Variants in CDIN1 observed in about 807,000 individuals in gnomAD.
CDIN1 encodes CDAN1-interacting nuclease 1.
CDIN1 carries 33 observed loss-of-function variants against 45.3 expected under a neutral mutation model. The observed-to-expected ratio is 0.73, with a 90% confidence interval of 0.55 to 0.97. The LOEUF is 0.97. Among genes scored for constraint, CDIN1 ranks in the 50% least tolerant of loss-of-function variants. The pLI is 0.00. For missense variants in CDIN1, 303 were observed against 339.4 expected (o/e 0.89, Z 0.84); for synonymous variants, 118 against 124.4 (o/e 0.95, Z 0.34).
chr15:36,773,103 A>T (rs2054121343), intron 10 of CDIN1, among the ~76,000 whole-genome samples: 1 of 152,062 alleles, frequency 6.6e-6, no homozygotes, highest in African/African-American at 2.4e-5. Flanking sequence ...AAAATATCCC[A>T]GGTGTGCCTT....
intron 1 of CDIN1, chr15:36,618,447 C>G: frequency 2.2e-6 from 2 of 891,418 alleles, no homozygotes; most frequent in African/African-American, 3.3e-5. Flanking sequence ...TCGAAGATGA[C>G]GACAAGATGT....
intron 5 of CDIN1, among the ~76,000 whole-genome samples, chr15:36,662,925 A>ATCCAAAG (rs2041078928): frequency 6.6e-6 from 1 of 151,466 alleles, no homozygotes; most frequent in South Asian, 2.1e-4. Context: ...AAAATCCAAA[A>ATCCAAAG]TCCAAAATGC....
intron 4 of CDIN1, among the ~76,000 whole-genome samples, chr15:36,657,491 C>G (rs1457531264): frequency 1.3e-5 from 2 of 151,796 alleles, no homozygotes; most frequent in African/African-American, 2.4e-5. Flanking sequence ...AGAAGCATGG[C>G]TTGAATAAAA....
chr15:36,711,850 A>G (rs1410440817), intron 10 of CDIN1, among the ~76,000 whole-genome samples: 1 of 152,108 alleles, frequency 6.6e-6, no homozygotes, highest in Non-Finnish European at 1.5e-5. Context: ...TTTGAAATGG[A>G]ACTTTGGGGT....
At chr15:36,700,289 G>T (rs909902129) in intron 8 of CDIN1, among the ~76,000 whole-genome samples, 1 of 152,130 alleles carries the variant, frequency 6.6e-6, no homozygotes, top group African/African-American at 2.4e-5. Flanking sequence ...GTCAAGCACC[G>T]TATTGCATGT....
At chr15:36,721,408 C>A (rs2140880293) in intron 10 of CDIN1, among the ~76,000 whole-genome samples, 1 of 152,214 alleles carries the variant, frequency 6.6e-6, no homozygotes, top group Non-Finnish European at 1.5e-5. Flanking sequence ...CACATACTTT[C>A]TACTTTTGAT....
intron 1 of CDIN1, among the ~76,000 whole-genome samples, chr15:36,643,729 C>T (rs2040201761): frequency 1.3e-5 from 2 of 152,148 alleles, no homozygotes; most frequent in African/African-American, 2.4e-5. Flanking sequence ...CCTCTGCTTC[C>T]TGCTGTGAAA....
chr15:36,785,906 C>T (rs988518891), intron 10 of CDIN1, among the ~76,000 whole-genome samples: 4 of 152,114 alleles, frequency 2.6e-5, no homozygotes, highest in Admixed American at 2.6e-4. Flanking sequence ...GGCACAGACC[C>T]CTGTAAGAGA....
At chr15:36,680,678 C>T (rs909592266) in intron 5 of CDIN1, among the ~76,000 whole-genome samples, 12 of 152,110 alleles carry the variant, frequency 7.9e-5, no homozygotes, top group Non-Finnish European at 1.8e-4. Context: ...AATTGAGCTT[C>T]CATGTATAGC....
At chr15:36,583,549 C>G (rs1018622126) in intron 1 of CDIN1, among the ~76,000 whole-genome samples, 3 of 152,192 alleles carry the variant, frequency 2.0e-5, no homozygotes, top group African/African-American at 7.2e-5. Context: ...TTCGTTTCTA[C>G]AGTTTTACCA....
At chr15:36,637,701 T>C (rs1309643907) in intron 1 of CDIN1, among the ~76,000 whole-genome samples, 1 of 152,160 alleles carries the variant, frequency 6.6e-6, no homozygotes, top group African/African-American at 2.4e-5. Flanking sequence ...AACAATAGAA[T>C]AGATAAATTT....
intron 1 of CDIN1, among the ~76,000 whole-genome samples, chr15:36,607,577 C>T (rs1225988342): frequency 6.6e-6 from 1 of 151,956 alleles, no homozygotes; most frequent in Non-Finnish European, 1.5e-5. Context: ...GTGTGTGTCT[C>T]TTTCCCTCCC....
At chr15:36,616,874 G>A (rs1231669530) in intron 1 of CDIN1, among the ~76,000 whole-genome samples, 1 of 152,052 alleles carries the variant, frequency 6.6e-6, no homozygotes, top group African/African-American at 2.4e-5. Flanking sequence ...GCAGTGAGCC[G>A]AGATCGTGCT....
chr15:36,737,699 A>T (rs928729601), intron 10 of CDIN1, among the ~76,000 whole-genome samples: 3 of 152,194 alleles, frequency 2.0e-5, no homozygotes, highest in African/African-American at 7.2e-5. Context: ...GAGGACAATC[A>T]CTTAATCAGT....
At chr15:36,743,533 A>G (rs184271210) in intron 10 of CDIN1, among the ~76,000 whole-genome samples, 2 of 152,136 alleles carry the variant, frequency 1.3e-5, no homozygotes, top group African/African-American at 4.8e-5. Flanking sequence ...GCAACTTCTG[A>G]TGCTTGAAAC....
At chr15:36,767,666 A>C (rs2053962800) in intron 10 of CDIN1, among the ~76,000 whole-genome samples, 1 of 152,210 alleles carries the variant, frequency 6.6e-6, no homozygotes, top group Non-Finnish European at 1.5e-5. Context: ...TTCCACTTGC[A>C]TTAAATTCAG....
At chr15:36,601,806 G>A (rs555562885) in intron 1 of CDIN1, among the ~76,000 whole-genome samples, 1 of 152,144 alleles carries the variant, frequency 6.6e-6, no homozygotes, top group Non-Finnish European at 1.5e-5. Flanking sequence ...CTCTACCATT[G>A]TACTGCCTCC....
At chr15:36,719,675 T>C (rs990028559) in intron 10 of CDIN1, among the ~76,000 whole-genome samples, 2 of 152,172 alleles carry the variant, frequency 1.3e-5, no homozygotes, top group Non-Finnish European at 2.9e-5. Context: ...TTAATTTTTT[T>C]GAAAAGTTGG....
chr15:36,664,126 G>T (rs541755021), intron 5 of CDIN1, among the ~76,000 whole-genome samples: 1 of 152,288 alleles, frequency 6.6e-6, no homozygotes, highest in South Asian at 2.1e-4. Flanking sequence ...TAAAAGTTGG[G>T]TATCTCATGC....
Sources: gnomAD v4.1 joint callset for allele counts (sites outside exome capture counted in the v4.1 genomes callset) on GRCh38, gnomAD v4.1.1 for gene constraint, MANE v1.5 for transcripts, NCBI Gene and HGNC (gene_info 2026-07-23, HGNC 2026-07-21) for gene names.